The following RIMS1 variants were observed in gnomAD, a reference collection of about 807,000 sequenced individuals.
The protein encoded by RIMS1 is regulating synaptic membrane exocytosis protein 1.
In RIMS1, 83 loss-of-function variants were observed where a neutral mutation model predicts 214.1. That is an observed-to-expected ratio of 0.39 (90% CI 0.32 to 0.47). The LOEUF is 0.47. Among genes scored for constraint, RIMS1 ranks in the 20% least tolerant of loss-of-function variants. The probability of loss-of-function intolerance (pLI) is 0.99; values close to 1 mark genes in which losing one functional copy is unlikely to be tolerated. For missense variants in RIMS1, 2,050 were observed against 2,161.8 expected (o/e 0.95, Z 1.03); for synonymous variants, 793 against 786.8 (o/e 1.01, Z -0.13).
chr6:72,235,275 C>G (rs1282216221), intron 7 of RIMS1, among the ~76,000 whole-genome samples: 1 of 151,992 alleles, frequency 6.6e-6, no homozygotes, highest in Non-Finnish European at 1.5e-5. Context: ...TCCTATAATG[C>G]TATAGAACAC....
At chr6:72,263,118 A>G (rs139569507) in intron 19 of RIMS1, 671 of 984,190 alleles carry the variant, frequency 6.8e-4, no homozygotes, top group Non-Finnish European at 7.9e-4. Flanking sequence ...TGTTTCACCA[A>G]TAAGAGTTTT....
chr6:71,922,427 T>A (rs979833569), intron 1 of RIMS1, among the ~76,000 whole-genome samples: 1 of 152,204 alleles, frequency 6.6e-6, no homozygotes, highest in Non-Finnish European at 1.5e-5. Context: ...TCTTTCTGTG[T>A]GTGGCTTATT....
chr6:72,233,748 T>C lies in RIMS1; in HGVS notation c.1679-25T>C, dbSNP rs199624887. 6.8e-5 allele frequency: 103 copies of C among 1,521,232 alleles called. 1 individual carries two copies. In the East Asian group the frequency reaches 2.3e-3, roughly 33 times the overall value. The allele number at this position is 1,521,232 out of a possible 1,614,324, so 94.2% of individuals were successfully genotyped here. A position where few individuals can be genotyped will look rare whatever the true frequency, so the allele number is the denominator to read the frequency against. On this transcript the variant is annotated intron_variant, in intron 6 of 33. Coordinates refer to ENST00000521978, the MANE Select transcript of RIMS1 (RefSeq NM_014989.7). Reference sequence around the variant, plus strand: ...ACTCTTCTCTTTAATACCATTACACTTTTCATTCTTTTTGTATTGCACAGG... The same window carrying C: ...ACTCTTCTCTTTAATACCATTACACCTTTCATTCTTTTTGTATTGCACAGG...
intron 4 of RIMS1, among the ~76,000 whole-genome samples, chr6:72,103,437 C>T (rs2034063471): frequency 6.6e-6 from 1 of 152,058 alleles, no homozygotes. Flanking sequence ...TTTGTACCTT[C>T]CTGCATCATC....
intron 2 of RIMS1, among the ~76,000 whole-genome samples, chr6:72,048,868 T>G (rs1320726745): frequency 6.6e-6 from 1 of 152,176 alleles, no homozygotes. Context: ...GTGTTGGCTT[T>G]TTGCCCCTGA....
chr6:72,399,964 A>G (rs1327691216), intron 33 of RIMS1, among the ~76,000 whole-genome samples: 3 of 152,206 alleles, frequency 2.0e-5, no homozygotes, highest in Non-Finnish European at 4.4e-5. Context: ...CTCAAAAGGT[A>G]CCAGCTCACA....
At chr6:72,345,569 G>A (rs17746778) in intron 29 of RIMS1, among the ~76,000 whole-genome samples, 29,052 of 151,564 alleles carry the variant, frequency 0.19, 3,458 homozygotes, top group South Asian at 0.27. Context: ...CTATAATTCC[G>A]TTCCAACTGT....
intron 4 of RIMS1, among the ~76,000 whole-genome samples, chr6:72,144,604 C>A (rs1297917849): frequency 6.6e-6 from 1 of 151,894 alleles, no homozygotes; most frequent in Non-Finnish European, 1.5e-5. Flanking sequence ...TGGTTAGCTC[C>A]CATGGTCTTC....
At chr6:72,252,497 A>G (rs1439860744) in intron 15 of RIMS1, among the ~76,000 whole-genome samples, 1 of 152,146 alleles carries the variant, frequency 6.6e-6, no homozygotes, top group Non-Finnish European at 1.5e-5. Context: ...TAATATTTTA[A>G]TTAAAGAATT....
intron 1 of RIMS1, among the ~76,000 whole-genome samples, chr6:71,932,705 G>C (rs530301004): frequency 4.7e-4 from 72 of 152,138 alleles, no homozygotes; most frequent in African/African-American, 1.7e-3. Flanking sequence ...CTAACTCCTG[G>C]GCTTAAGCAA....
chr6:72,196,580 C>CTTTTTTTTTTTTTTTTTTTTTTTTTT lies in RIMS1; in HGVS notation c.1678+13454_1678+13455insTTTTTTTTTTTTTTTTTTTTTTTTTT, dbSNP rs61651151. Among the ~76,000 whole-genome samples the CTTTTTTTTTTTTTTTTTTTTTTTTTT allele has an allele frequency of 3.5e-4, 20 of 57,206 alleles. 8 individuals carry two copies. Among genetic ancestry groups the CTTTTTTTTTTTTTTTTTTTTTTTTTT allele is most frequent in the African/African-American group, 9.5e-4 (12 of 12,672 alleles). 37.5% of individuals were successfully genotyped at this position (57,206 alleles called of 152,430 possible). ...AGTACTGTGCTGGCAGCCAGCTGCA[C>CTTTTTTTTTTTTTTTTTTTTTTTTTT]TTTTTTTTTTTTTTTTTTTTTTTAC... On this transcript the variant is annotated intron_variant, in intron 6 of 33. Coordinates refer to ENST00000521978, the MANE Select transcript of RIMS1 (RefSeq NM_014989.7).
At chr6:72,011,893 T>A (rs1350811929) in intron 2 of RIMS1, among the ~76,000 whole-genome samples, 1 of 152,232 alleles carries the variant, frequency 6.6e-6, no homozygotes, top group Non-Finnish European at 1.5e-5. Context: ...GACGGTAAAC[T>A]AGCTCAACCA....
chr6:72,007,068 C>T (rs975462749), intron 2 of RIMS1, among the ~76,000 whole-genome samples: 1 of 152,102 alleles, frequency 6.6e-6, no homozygotes, highest in African/African-American at 2.4e-5. Flanking sequence ...ACTGGGAGGC[C>T]CCCCCAAGTA....
At chr6:72,152,148 C>A (rs1268274817) in intron 4 of RIMS1, among the ~76,000 whole-genome samples, 1 of 152,176 alleles carries the variant, frequency 6.6e-6, no homozygotes, top group African/African-American at 2.4e-5. Context: ...TTGGAGGGAA[C>A]AAACATCCAA....
intron 8 of RIMS1, among the ~76,000 whole-genome samples, chr6:72,236,256 A>G (rs1401555524): frequency 6.6e-6 from 1 of 152,174 alleles, no homozygotes; most frequent in Non-Finnish European, 1.5e-5. Flanking sequence ...AGATTTTAAA[A>G]TATTCTATAA....
At chr6:71,937,249 A>T (rs77651224) in intron 1 of RIMS1, among the ~76,000 whole-genome samples, 1,932 of 152,098 alleles carry the variant, frequency 0.013, 48 homozygotes, top group African/African-American at 0.044. Context: ...GTAGATGGAA[A>T]TTTTTTTTAA....
chr6:72,151,919 A>AG (rs1248067645), intron 4 of RIMS1, among the ~76,000 whole-genome samples: 1 of 152,128 alleles, frequency 6.6e-6, no homozygotes, highest in East Asian at 1.9e-4. Context: ...ACATGGTGGG[A>AG]GGCAAAGGAG....
chr6:71,890,765 TA>T (rs1165528885), intron 1 of RIMS1, among the ~76,000 whole-genome samples: 2 of 152,106 alleles, frequency 1.3e-5, no homozygotes, highest in Admixed American at 6.5e-5. Flanking sequence ...TTATTTAATC[TA>T]ATGCCAAATA....
intron 2 of RIMS1, among the ~76,000 whole-genome samples, chr6:72,028,898 T>C (rs886860596): frequency 2.0e-5 from 3 of 152,166 alleles, no homozygotes; most frequent in Non-Finnish European, 4.4e-5. Context: ...GCAGAACCAG[T>C]TGGACACTAG....
Sources: allele counts gnomAD v4.1 joint callset (sites outside exome capture counted in the v4.1 genomes callset), GRCh38; gene constraint gnomAD v4.1.1; transcripts MANE v1.5; gene names NCBI Gene and HGNC (gene_info 2026-07-23, HGNC 2026-07-21).